Variants in CACHD1 observed in about 807,000 individuals in gnomAD.
CACHD1 encodes the protein VWFA and cache domain-containing protein 1.
A neutral mutation model predicts 138.7 loss-of-function variants in CACHD1; 71 were observed. The observed-to-expected ratio is 0.51, with a 90% confidence interval of 0.42 to 0.62. The LOEUF (loss-of-function observed/expected upper bound fraction) is 0.62, where lower values mean the gene tolerates loss of function less well. Ranked by LOEUF, CACHD1 falls within the 20% of genes least tolerant of loss-of-function variation. CACHD1 has a pLI of 0.00. For missense variants in CACHD1, 1,389 were observed against 1,625.3 expected (o/e 0.85, Z 2.50); for synonymous variants, 578 against 591.5 (o/e 0.98, Z 0.33).
chr1:64,578,321 A>G (rs1042936026), intron 2 of CACHD1, among the ~76,000 whole-genome samples: 13 of 152,194 alleles, frequency 8.5e-5, no homozygotes, highest in Admixed American at 8.5e-4. Flanking sequence ...AAATTTTCTG[A>G]AGAACCCTGA....
intron 1 of CACHD1, among the ~76,000 whole-genome samples, chr1:64,506,659 C>T (rs1646379446): frequency 6.6e-6 from 1 of 152,068 alleles, no homozygotes; most frequent in East Asian, 1.9e-4. Flanking sequence ...GTGGATGTGT[C>T]AAGAAAGATT....
chr1:64,491,921 GTTTT>G (rs922049644), intron 1 of CACHD1, among the ~76,000 whole-genome samples: 1 of 150,314 alleles, frequency 6.7e-6, no homozygotes, highest in East Asian at 1.9e-4. Flanking sequence ...GCACCCAGCG[GTTTT>G]TTTTGTTTGT....
intron 1 of CACHD1, among the ~76,000 whole-genome samples, chr1:64,494,330 AT>A (rs1646294445): frequency 6.6e-6 from 1 of 152,126 alleles, no homozygotes; most frequent in African/African-American, 2.4e-5. Context: ...AAATTTTCTC[AT>A]CTTTTCTAAC....
At chr1:64,543,321 C>CAAGGTGGG (rs1409695089) in intron 1 of CACHD1, among the ~76,000 whole-genome samples, 1 of 149,292 alleles carries the variant, frequency 6.7e-6, no homozygotes, top group African/African-American at 2.5e-5. Context: ...TTTGGGAGGC[C>CAAGGTGGG]AAGGTGGGAA....
chr1:64,691,516 C>G lies in CACHD1; in HGVS notation c.3780C>G (p.His1260Gln), dbSNP rs764523144. The change falls in exon 27 of 27, where the codon CAC (histidine) becomes CAG (glutamine). Residue 1260 changes from histidine to glutamine, a missense_variant. This residue lies in a region of CACHD1 where 78 missense variants were observed against 76.9 expected (regional missense o/e 1.01). Transcript: ENST00000651257. ...SHHPTLHHSH[H>Q]LQAAVTVHTV... ...ACCCTACACTTCATCATAGCCACCA[C>G]TTACAGGCGGCCGTCACGGTACACA... The G allele has an allele frequency of 6.2e-7, 1 of 1,614,136 alleles. No individual in the cohort carries two copies.
At chr1:64,512,775 T>A (rs1646432094) in intron 1 of CACHD1, among the ~76,000 whole-genome samples, 1 of 152,236 alleles carries the variant, frequency 6.6e-6, no homozygotes, top group African/African-American at 2.4e-5. Flanking sequence ...ATACAAAAAA[T>A]CTTTTGGCGG....
At chr1:64,582,974 C>T (rs1647024078) in intron 3 of CACHD1, among the ~76,000 whole-genome samples, 2 of 152,168 alleles carry the variant, frequency 1.3e-5, no homozygotes, top group Middle Eastern at 3.4e-3. Flanking sequence ...CAGTTTTCTA[C>T]CAATGTGGAA....
intron 1 of CACHD1, among the ~76,000 whole-genome samples, chr1:64,528,743 A>G (rs1181924393): frequency 1.3e-5 from 2 of 152,162 alleles, no homozygotes; most frequent in East Asian, 1.9e-4. Context: ...TTAGAGTATT[A>G]TAAACATTTT....
At chr1:64,667,878 G>A (rs908643221) in intron 16 of CACHD1, among the ~76,000 whole-genome samples, 1 of 152,220 alleles carries the variant, frequency 6.6e-6, no homozygotes, top group African/African-American at 2.4e-5. Flanking sequence ...AAGAGGGCAA[G>A]GGTAGGGGCA....
intron 1 of CACHD1, among the ~76,000 whole-genome samples, chr1:64,518,193 T>G (rs1432993225): frequency 1.3e-5 from 2 of 152,160 alleles, no homozygotes; most frequent in Non-Finnish European, 2.9e-5. Context: ...GACCTGTGCT[T>G]AACTTCTTTC....
At chr1:64,502,286 G>T (rs1437275995) in intron 1 of CACHD1, among the ~76,000 whole-genome samples, 1 of 152,176 alleles carries the variant, frequency 6.6e-6, no homozygotes, top group African/African-American at 2.4e-5. Flanking sequence ...AAATTGATTT[G>T]TTGTATTGCT....
At chr1:64,620,286 A>G (rs1203787160) in intron 4 of CACHD1, among the ~76,000 whole-genome samples, 3 of 152,270 alleles carry the variant, frequency 2.0e-5, no homozygotes, top group Admixed American at 2.0e-4. Flanking sequence ...CTCCCTACCT[A>G]CATGTAGCTG....
At chr1:64,575,629 A>G (rs1236346604) in intron 2 of CACHD1, among the ~76,000 whole-genome samples, 4 of 152,166 alleles carry the variant, frequency 2.6e-5, no homozygotes, top group Non-Finnish European at 5.9e-5. Context: ...TCTAGGTTCA[A>G]TAGGAATTTT....
At chr1:64,480,383 C>T (rs1451834824) in intron 1 of CACHD1, among the ~76,000 whole-genome samples, 6 of 151,912 alleles carry the variant, frequency 3.9e-5, no homozygotes, top group Admixed American at 6.6e-5. Context: ...CTTTTTTTTC[C>T]GCATTTTTCT....
chr1:64,616,555 GA>G (rs745970110), intron 4 of CACHD1, among the ~76,000 whole-genome samples: 6 of 152,160 alleles, frequency 3.9e-5, no homozygotes, highest in Non-Finnish European at 8.8e-5. Context: ...ATGCAGAATG[GA>G]TCATTGTTTA....
At chr1:64,656,652 A>G (rs1649271841) in intron 12 of CACHD1, among the ~76,000 whole-genome samples, 1 of 152,150 alleles carries the variant, frequency 6.6e-6, no homozygotes, top group African/African-American at 2.4e-5. Context: ...AATTCTGGTT[A>G]TTCTTCTTAG....
chr1:64,617,517 A>T (rs1268470719), intron 4 of CACHD1, among the ~76,000 whole-genome samples: 3 of 152,194 alleles, frequency 2.0e-5, no homozygotes, highest in Non-Finnish European at 4.4e-5. Flanking sequence ...GGACACAAAG[A>T]GCTATGAGCT....
At chr1:64,662,079 C>T (rs77236278) in intron 13 of CACHD1, among the ~76,000 whole-genome samples, 3,411 of 152,238 alleles carry the variant, frequency 0.022, 139 homozygotes, top group African/African-American at 0.077. Flanking sequence ...CCAGAAGAAA[C>T]AGCTGTGAAA....
At chr1:64,556,083 T>C (rs1646794542) in intron 2 of CACHD1, among the ~76,000 whole-genome samples, 1 of 152,184 alleles carries the variant, frequency 6.6e-6, no homozygotes, top group Non-Finnish European at 1.5e-5. Flanking sequence ...CTGAGGTTTA[T>C]CTCCTATCCC....
Sources: allele counts gnomAD v4.1 joint callset (sites outside exome capture counted in the v4.1 genomes callset), GRCh38; gene constraint gnomAD v4.1.1; regional missense constraint gnomAD v4.1.1; transcripts MANE v1.5; gene names NCBI Gene and HGNC (gene_info 2026-07-23, HGNC 2026-07-21).